Variants in PRICKLE2 observed in about 807,000 individuals in gnomAD.
The protein encoded by PRICKLE2 is prickle planar cell polarity protein 2, also known as prickle-like protein 2.
A neutral mutation model predicts 81.4 loss-of-function variants in PRICKLE2; 21 were observed. That is an observed-to-expected ratio of 0.26 (90% CI 0.18 to 0.37). PRICKLE2 has a LOEUF of 0.37. Ranked by LOEUF, PRICKLE2 falls within the 10% of genes least tolerant of loss-of-function variation. The probability of loss-of-function intolerance (pLI) is 1.00; values close to 1 mark genes in which losing one functional copy is unlikely to be tolerated. For missense variants in PRICKLE2, 940 were observed against 1,109.0 expected (o/e 0.85, Z 2.16); for synonymous variants, 456 against 421.5 (o/e 1.08, Z -1.00).
intron 5 of PRICKLE2, chr3:64,153,622 G>A (rs1243108529): frequency 2.1e-6 from 1 of 482,784 alleles, no homozygotes; most frequent in African/African-American, 1.9e-5. Context: ...ATAAGAGAAA[G>A]AATGTTCTAC....
chr3:64,243,870 T>C (rs1055820101), intron 2 of PRICKLE2, among the ~76,000 whole-genome samples: 8 of 152,224 alleles, frequency 5.3e-5, no homozygotes, highest in African/African-American at 1.7e-4. Flanking sequence ...ATTTGATCAC[T>C]GTTCTCAATG....
In PRICKLE2 at chr3:64,225,187, A is replaced by G. The variant is rs1424415856; in HGVS notation, c.-318T>C. ...GGAATTCACCAAGCAAGAGAAAAAA[A>G]GTATGACTTCTACTCTTCCTCTAGA... On this transcript the variant is annotated 5_prime_UTR_variant, in exon 1 of 8. Transcript: ENST00000638394. 1.0e-6 allele frequency: 1 copy of G among 985,340 alleles called. No individual in the cohort carries two copies. Among genetic ancestry groups the G allele is most frequent in the Non-Finnish European group, 1.2e-6 (1 of 829,980 alleles). The allele number at this position is 985,340 out of a possible 1,614,324, so 61.0% of individuals were successfully genotyped here. A position where few individuals can be genotyped will look rare whatever the true frequency, so the allele number is the denominator to read the frequency against.
chr3:64,133,444 A>G (rs17069972), intron 7 of PRICKLE2, among the ~76,000 whole-genome samples: 3,373 of 152,164 alleles, frequency 0.022, 136 homozygotes, highest in African/African-American at 0.076. Flanking sequence ...TCAGTGGAAA[A>G]CTTCCATTAC....
intron 7 of PRICKLE2, among the ~76,000 whole-genome samples, chr3:64,118,772 T>C (rs774439228): frequency 1.2e-4 from 19 of 152,164 alleles, no homozygotes; most frequent in Non-Finnish European, 2.6e-4. Context: ...TTGTACACTC[T>C]TGGTGAGGGT....
chr3:64,213,898 G>A (rs1234393616), intron 1 of PRICKLE2, among the ~76,000 whole-genome samples: 1 of 152,152 alleles, frequency 6.6e-6, no homozygotes, highest in Non-Finnish European at 1.5e-5. Context: ...CCTTTTGGCA[G>A]CCCCTCCAGA....
At chr3:64,162,934 C>T in intron 3 of PRICKLE2, 82 bp downstream of exon 3, 2 of 907,480 alleles carry the variant, frequency 2.2e-6, no homozygotes, top group Middle Eastern at 4.2e-4. Flanking sequence ...TCGGCTACCT[C>T]ATTGGTGGCA....
chr3:64,204,016 A>AAAC (rs556857289), intron 1 of PRICKLE2, among the ~76,000 whole-genome samples: 153 of 152,002 alleles, frequency 1.0e-3, no homozygotes, highest in Admixed American at 1.9e-3. Context: ...AACAAAAACA[A>AAAC]AACAACAACA....
At chr3:64,251,478 G>T (rs973025451) in intron 2 of PRICKLE2, among the ~76,000 whole-genome samples, 3 of 152,166 alleles carry the variant, frequency 2.0e-5, no homozygotes, top group Admixed American at 2.0e-4. Context: ...AAGCAATCAT[G>T]TTATACCTAA....
Position 64,144,123 on chromosome 3 carries a change from G to T in PRICKLE2, c.1660+2707C>A, listed in dbSNP as rs183574136. 2.6e-3 allele frequency among the ~76,000 whole-genome samples: 390 copies of T among 152,286 alleles called. 1 individual carries two copies. Among genetic ancestry groups the T allele is most frequent in the African/African-American group, 8.9e-3 (371 of 41,554 alleles). On this transcript the variant is annotated intron_variant, in intron 7 of 7. Transcript: ENST00000638394. Reference sequence around the variant, plus strand: ...TTGTTTGTCTAGCAGTGTTGAAATAGATTTCATATTTTTAAAAATCCACAT... The same window carrying T: ...TTGTTTGTCTAGCAGTGTTGAAATATATTTCATATTTTTAAAAATCCACAT...
rs116668051 is a variant in PRICKLE2, at chr3:64,141,162, T to C, written c.1660+5668A>G. 7.1e-3 allele frequency among the ~76,000 whole-genome samples: 1,078 copies of C among 152,346 alleles called. 14 individuals carry two copies. Among genetic ancestry groups the C allele is most frequent in the African/African-American group, 0.024 (1,010 of 41,586 alleles). ...AGCCAGTGGTCTATTATGATTATCA[T>C]TGGTTACAATCAACATCAGAAGCAG... is the stretch of plus-strand genomic sequence containing the variant. On this transcript the variant is annotated intron_variant, in intron 7 of 7. Transcript: ENST00000638394.
chr3:64,124,480 C>G (rs1408370961), intron 7 of PRICKLE2, among the ~76,000 whole-genome samples: 1 of 152,134 alleles, frequency 6.6e-6, no homozygotes, highest in East Asian at 1.9e-4. Flanking sequence ...CATCTAGTAC[C>G]TTACTAGCTA....
chr3:64,122,670 C>A (rs1442711624), intron 7 of PRICKLE2, among the ~76,000 whole-genome samples: 1 of 152,158 alleles, frequency 6.6e-6, no homozygotes, highest in African/African-American at 2.4e-5. Flanking sequence ...TGTGAGGATT[C>A]TGTGACCTGC....
chr3:64,163,308 A>T, intron 2 of PRICKLE2, 179 bp from the exon 3 acceptor site: 2 of 651,614 alleles, frequency 3.1e-6, no homozygotes, highest in Non-Finnish European at 5.6e-6. Context: ...TCCTTAAAGC[A>T]AGAGTCAGGC....
intron 2 of PRICKLE2, among the ~76,000 whole-genome samples, chr3:64,188,727 T>G (rs1402094595): frequency 6.6e-6 from 1 of 152,248 alleles, no homozygotes; most frequent in Non-Finnish European, 1.5e-5. Context: ...CTTCCTGTTT[T>G]TGTAAGTAAA....
rs1347879899 is a variant in PRICKLE2, at chr3:64,198,947, T to C, written c.-20A>G. 7 of 1,614,010 alleles carry C rather than the reference T, an allele frequency of 4.3e-6. No homozygotes were observed. The highest frequency in any genetic ancestry group is 2.5e-6 in the Non-Finnish European group (3 of 1,180,030). ...CACCATGTGCTCCTCCTGGGGACAC[T>C]TGCAGTGCAGGCAGATCTTCCTGCA... On this transcript the variant is annotated 5_prime_UTR_variant, in exon 2 of 8. Transcript: ENST00000638394.
intron 7 of PRICKLE2, chr3:64,146,411 C>T (rs1229810970): frequency 1.4e-5 from 3 of 211,280 alleles, no homozygotes; most frequent in African/African-American, 2.3e-5. Context: ...TCCTCAGCAG[C>T]CTATTAGAAG....
intron 6 of PRICKLE2, among the ~76,000 whole-genome samples, chr3:64,151,204 A>G (rs761285638): frequency 6.6e-6 from 1 of 152,218 alleles, no homozygotes; most frequent in African/African-American, 2.4e-5. Context: ...TATGCATGCT[A>G]TATAGAGTGT....
At chr3:64,234,870 C>G (rs2079157975) in intron 2 of PRICKLE2, among the ~76,000 whole-genome samples, 1 of 152,086 alleles carries the variant, frequency 6.6e-6, no homozygotes, top group Non-Finnish European at 1.5e-5. Context: ...TTTGAGCTTA[C>G]CTACTTGGAG....
chr3:64,146,945 A>G lies in PRICKLE2; in HGVS notation c.1545T>C (p.Thr515=), dbSNP rs747702861. The change falls in exon 7 of 8, where the codon ACT becomes ACC. Residue 515 remains threonine (T), a synonymous_variant. Transcript: ENST00000638394. ...TGGGATGACGGGTCCGACACTGCTG[A>G]GTGGACAAGCCCCCTTCCTCTTCCT... ...EEEEEEGGLS[T]QQCRTRHPIS... 8.1e-6 allele frequency: 13 copies of G among 1,613,950 alleles called. No individual in the cohort carries two copies. Among genetic ancestry groups the G allele is most frequent in the Non-Finnish European group, 1.0e-5 (12 of 1,180,024 alleles).
Sources: allele counts gnomAD v4.1 joint callset (sites outside exome capture counted in the v4.1 genomes callset), GRCh38; gene constraint gnomAD v4.1.1; transcripts MANE v1.5; gene names NCBI Gene and HGNC (gene_info 2026-07-23, HGNC 2026-07-21).